ABCC8: variants seen among roughly 807,000 people sequenced by gnomAD.
ABCC8 encodes ATP-binding cassette sub-family C member 8.
In ABCC8, 137 loss-of-function variants were observed where a neutral mutation model predicts 188.0. That is an observed-to-expected ratio of 0.73 (90% CI 0.63 to 0.84). ABCC8 has a LOEUF of 0.84. Among genes scored for constraint, ABCC8 ranks in the 40% least tolerant of loss-of-function variants. The pLI is 0.00. For missense variants in ABCC8, 1,750 were observed against 2,072.7 expected (o/e 0.84, Z 3.02); for synonymous variants, 797 against 846.5 (o/e 0.94, Z 1.01).
In ABCC8 at chr11:17,460,658, T is replaced by C; in HGVS notation, c.841A>G (p.Thr281Ala). 1 of 1,610,074 alleles carries C rather than the reference T, an allele frequency of 6.2e-7. No individual in the cohort carries two copies. Among genetic ancestry groups the C allele is most frequent in the Non-Finnish European group, 8.5e-7 (1 of 1,179,996 alleles). ...TGCCAGATGGCCCGGGCACCTTGAG[T>C]GCCCTGAATGTCCTTCCGCTGCCCA... ...DAQVRKDIQG[T>A]QGARAIWQAL... is the part of the protein sequence containing the mutation. The change falls in exon 6 of 39, where the codon ACT becomes GCT. Residue 281 changes from threonine to alanine, a missense_variant. Thr to Ala is a moderately conservative substitution (Grantham distance 58). Transcript: ENST00000389817.
intron 1 of ABCC8, 40 bp from the exon 2 acceptor site, chr11:17,475,067 T>C: frequency 6.2e-7 from 1 of 1,612,836 alleles, no homozygotes; most frequent in Non-Finnish European, 8.5e-7. Flanking sequence ...GCCTGCCCAC[T>C]TGGAGGAGGA....
rs72559734 is a variant in ABCC8 at position 17,474,955 on chromosome 11, C to T, written c.221G>A (p.Arg74Gln). 8 of 1,614,066 alleles carry T rather than the reference C, an allele frequency of 5.0e-6. No homozygotes were observed. Among genetic ancestry groups the T allele is most frequent in the South Asian group, 3.3e-5 (3 of 91,086 alleles). ...TWLHFPGHNL[R>Q]WILTFMLLFV... ...GAGCAGCATGAAGGTCAGGATCCAC[C>T]GCAGGTTGTGCCCAGGGAAATGAAG... The change falls in exon 2 of 39, where the codon CGG (arginine) becomes CAG (glutamine). Residue 74 changes from arginine (R) to glutamine (Q), a missense_variant. Transcript: ENST00000389817.
In ABCC8 at chr11:17,397,693, G is replaced by A. The variant is rs377045545; in HGVS notation, c.3858C>T (p.Tyr1286=). Residue 1286 remains tyrosine, a synonymous_variant, in exon 31 of 39, where the codon TAC becomes TAT. Transcript: ENST00000389817. The stretch of plus-strand genomic sequence containing the variant: ...GCCCACTGCCGCTCACCATTAGGGC[G>A]TAGGTAAGGCCCAGGCCCACCAGGC... ...SAGLVGLGLT[Y]ALMVSNYLNW... The A allele has an allele frequency of 6.3e-5, 102 of 1,612,656 alleles. No homozygotes were observed. The highest frequency in any genetic ancestry group is 1.5e-4 in the South Asian group (14 of 91,078).
At chr11:17,415,075 G>GA (rs1554917735) in intron 18 of ABCC8, among the ~76,000 whole-genome samples, 1 of 151,130 alleles carries the variant, frequency 6.6e-6, no homozygotes, top group Non-Finnish European at 1.5e-5. Context: ...GAAGAAAAAA[G>GA]AAAAAGAGAT....
intron 4 of ABCC8, among the ~76,000 whole-genome samples, chr11:17,463,025 G>C (rs1210007501): frequency 6.6e-6 from 1 of 152,196 alleles, no homozygotes; most frequent in Non-Finnish European, 1.5e-5. Flanking sequence ...GTGAGGAAGA[G>C]AGAGGGAGGC....
chr11:17,472,343 C>T (rs1021701988), intron 2 of ABCC8, among the ~76,000 whole-genome samples: 8 of 152,208 alleles, frequency 5.3e-5, no homozygotes, highest in African/African-American at 1.9e-4. Flanking sequence ...ATCTTCTTCA[C>T]TAACTTATAC....
chr11:17,412,831 G>C, intron 20 of ABCC8, 85 bp from the exon 21 acceptor site: 1 of 1,551,618 alleles, frequency 6.4e-7, no homozygotes, highest in Non-Finnish European at 8.7e-7. Flanking sequence ...GAGCTCTTTG[G>C]GATGGAGGCC....
intron 16 of ABCC8, 114 bp downstream of exon 16, chr11:17,426,935 A>T: frequency 8.4e-7 from 1 of 1,192,048 alleles, no homozygotes; most frequent in Non-Finnish European, 1.2e-6. Context: ...GCATTTATTG[A>T]GTCCTCACTG....
In ABCC8 at chr11:17,442,009, T is replaced by A. The variant is rs1336598021; in HGVS notation, c.1630+711A>T. Among the ~76,000 whole-genome samples the A allele has an allele frequency of 2.0e-5, 3 of 152,142 alleles. No individual in the cohort carries two copies. In the South Asian group the frequency reaches 6.2e-4, roughly 32 times the overall value. On this transcript the variant is annotated intron_variant, in intron 10 of 38. Coordinates refer to ENST00000389817, the MANE Select transcript of ABCC8 (RefSeq NM_000352.6). ...GCAGGAGAATCACTTGAACCTGGGATGTGGAGGTTGCAGTGAGCCGAGATT... is the reference window on the plus strand; with the variant it reads ...GCAGGAGAATCACTTGAACCTGGGAAGTGGAGGTTGCAGTGAGCCGAGATT...
At chr11:17,411,727 G>T (rs1244665198) in intron 21 of ABCC8, among the ~76,000 whole-genome samples, 2 of 152,076 alleles carry the variant, frequency 1.3e-5, no homozygotes, top group South Asian at 2.1e-4. Flanking sequence ...GCACAGTTTG[G>T]ATTTGAACCG....
chr11:17,407,272 C>T, intron 24 of ABCC8, 82 bp downstream of exon 24: 1 of 1,612,070 alleles, frequency 6.2e-7, no homozygotes, highest in Non-Finnish European at 8.5e-7. Context: ...TACTGCACCA[C>T]ACCCAGAACC....
intron 10 of ABCC8, among the ~76,000 whole-genome samples, chr11:17,442,298 G>T (rs935993735): frequency 2.6e-5 from 4 of 152,172 alleles, no homozygotes; most frequent in Admixed American, 6.5e-5. Flanking sequence ...GCCCCAAGTG[G>T]ATGGAAGCTT....
intron 6 of ABCC8, among the ~76,000 whole-genome samples, chr11:17,458,137 T>C (rs1042857657): frequency 6.6e-6 from 1 of 152,204 alleles, no homozygotes; most frequent in Admixed American, 6.5e-5. Context: ...TTGCGGACAC[T>C]GGAGACTATA....
rs1298390909 is a variant in ABCC8, at chr11:17,393,755, T to A, written c.4550A>T (p.Asn1517Ile). The A allele has an allele frequency of 6.2e-7, 1 of 1,614,072 alleles. No homozygotes were observed. Among genetic ancestry groups the A allele is most frequent in the South Asian group, 1.1e-5 (1 of 91,084 alleles). ...ATASIDMATE[N>I]ILQKVVMTAF... Reference sequence around the variant, plus strand: ...TGTCATCACCACCTTTTGGAGGATGTTTTCCTGCCAAGTGGGGGCAACAGC... The same window carrying A: ...TGTCATCACCACCTTTTGGAGGATGATTTCCTGCCAAGTGGGGGCAACAGC... The change falls in exon 38 of 39, where the codon AAC (asparagine) becomes ATC (isoleucine). Residue 1517 changes from asparagine (N) to isoleucine (I), a missense_variant. By Grantham distance (149) the Asn-to-Ile change is moderately radical (BLOSUM62 -3). Coordinates refer to ENST00000389817, the MANE Select transcript of ABCC8 (RefSeq NM_000352.6).
chr11:17,470,740 C>T (rs966311778), intron 2 of ABCC8, among the ~76,000 whole-genome samples: 8 of 152,204 alleles, frequency 5.3e-5, no homozygotes, highest in African/African-American at 1.7e-4. Context: ...CACGAAGAGG[C>T]ATTTCCAAGG....
rs573075564 is a variant in ABCC8 at position 17,444,761 on chromosome 11, T to C, written c.1333-1449A>G. On this transcript the variant is annotated intron_variant, in intron 8 of 38. Coordinates refer to ENST00000389817, the MANE Select transcript of ABCC8 (RefSeq NM_000352.6). ...GGGAGGACATAGTCTTTGGAGTCTG[T>C]GGCCCTGAGTTTCAAAGCCCCAGCC... Among the ~76,000 whole-genome samples the C allele has an allele frequency of 3.9e-5, 6 of 152,354 alleles. No homozygotes were observed. In the Middle Eastern group the frequency reaches 0.01, roughly 259 times the overall value.
At position 17,473,183 on chromosome 11, in the gene ABCC8, G is replaced by A. The variant is rs147881219; in HGVS notation, c.290+1703C>T. Among the ~76,000 whole-genome samples, 26 of 152,198 alleles carry A rather than the reference G, an allele frequency of 1.7e-4. No individual in the cohort carries two copies. In the East Asian group the frequency reaches 2.9e-3, roughly 17 times the overall value. ...ACCCAGGTCTTCCTTCTCCAAGGGC[G>A]GAGGTGTCTTTCTCTGTCACCATCT... On this transcript the variant is annotated intron_variant, in intron 2 of 38. Coordinates refer to ENST00000389817, the MANE Select transcript of ABCC8 (RefSeq NM_000352.6).
At chr11:17,476,313 C>T (rs1848771552) in intron 1 of ABCC8, among the ~76,000 whole-genome samples, 1 of 152,226 alleles carries the variant, frequency 6.6e-6, no homozygotes, top group East Asian at 1.9e-4. Context: ...CTCCAGTTTC[C>T]CACTGCGTGC....
At chr11:17,466,258 G>T (rs962288339) in intron 3 of ABCC8, among the ~76,000 whole-genome samples, 1 of 152,010 alleles carries the variant, frequency 6.6e-6, no homozygotes, top group Non-Finnish European at 1.5e-5. Flanking sequence ...AATTAGCCAG[G>T]CGTGGTGGCA....
Sources: gnomAD v4.1 joint callset for allele counts (sites outside exome capture counted in the v4.1 genomes callset) on GRCh38, gnomAD v4.1.1 for gene constraint, MANE v1.5 for transcripts, NCBI Gene and HGNC (gene_info 2026-07-23, HGNC 2026-07-21) for gene names.